The following GP2 variants were observed in gnomAD, a reference collection of about 807,000 sequenced individuals.
The protein encoded by GP2 is glycoprotein 2.
A neutral mutation model predicts 60.8 loss-of-function variants in GP2; 58 were observed. The ratio of observed to expected loss-of-function variants is 0.95; its 90% CI spans 0.77 to 1.19. The LOEUF (loss-of-function observed/expected upper bound fraction) is 1.19. GP2 is among the 50% of genes most tolerant of loss of function. The pLI is 0.00. For missense variants in GP2, 647 were observed against 667.4 expected, an observed-to-expected ratio of 0.97 and a Z score of 0.34; for synonymous variants, 280 against 253.4, an observed-to-expected ratio of 1.10 and a Z score of -1.00.
chr16:20,323,272 C>A, intron 3 of GP2: 1 of 686,440 alleles, frequency 1.5e-6, no homozygotes. Flanking sequence ...GATGCTGGAG[C>A]TAGAATGCCA....
chr16:20,314,577 C>G, intron 10 of GP2, 80 bp downstream of exon 10: 1 of 955,346 alleles, frequency 1.0e-6, no homozygotes, highest in Non-Finnish European at 1.7e-6. Context: ...AGCATAGGGT[C>G]TGGGCCATAA....
intron 1 of GP2, 42 bp downstream of exon 1, chr16:20,327,425 A>G (rs776081868): frequency 8.1e-7 from 1 of 1,238,340 alleles, no homozygotes. Flanking sequence ...AAGATTTCCC[A>G]GGATTAGGAG....
At chr16:20,314,801 G>A (rs753065152) in intron 9 of GP2, 100 bp from the exon 10 acceptor site, 62 of 825,782 alleles carry the variant, frequency 7.5e-5, no homozygotes, top group Non-Finnish European at 1.1e-4. Flanking sequence ...CCTGGCCATC[G>A]CAACCACCAG....
At chr16:20,326,488 A>G in intron 1 of GP2, 21 bp from the exon 2 acceptor site, 1 of 1,599,934 alleles carries the variant, frequency 6.3e-7, no homozygotes, top group Non-Finnish European at 8.5e-7. Flanking sequence ...GAAAAGACCA[A>G]GATAAGATTA....
chr16:20,327,348 G>T, intron 1 of GP2, 119 bp downstream of exon 1: 1 of 569,072 alleles, frequency 1.8e-6, no homozygotes, highest in Non-Finnish European at 2.7e-6. Context: ...CAATGGCCAG[G>T]GTCCAAACTA....
In GP2 at chr16:20,310,902, G is replaced by A. The variant is rs902176048; in HGVS notation, c.*321C>T. The A allele has an allele frequency of 8.2e-5, 17 of 207,406 alleles. No individual in the cohort carries two copies. Among genetic ancestry groups the A allele is most frequent in the African/African-American group, 3.5e-4 (15 of 42,320 alleles). The allele number at this position is 207,406 out of a possible 1,614,324, so 12.8% of individuals were successfully genotyped here. On this transcript the variant is annotated 3_prime_UTR_variant, in exon 11 of 11. Coordinates refer to ENST00000302555, the MANE Select transcript of GP2 (RefSeq NM_001502.4). Reference sequence around the variant, plus strand: ...CTCCCGAGTAGCTGGGATTACAGGCGCCTGCCACCATGCCTGGCTAATTTT... The same window carrying A: ...CTCCCGAGTAGCTGGGATTACAGGCACCTGCCACCATGCCTGGCTAATTTT...
At position 20,320,493 on chromosome 16, in the gene GP2, G is replaced by A; in HGVS notation, c.647-20C>T. 6.4e-7 allele frequency: 1 copy of A among 1,558,036 alleles called. No homozygotes were observed. The highest frequency in any genetic ancestry group is 8.8e-7 in the Non-Finnish European group (1 of 1,130,632). ...GGACATCTGCAAAGCAGAGATGAAG[G>A]CAAGTAGAATGGACATGAGTCTGGA... On this transcript the variant is annotated intron_variant, in intron 4 of 10. Coordinates refer to ENST00000302555, the MANE Select transcript of GP2 (RefSeq NM_001502.4).
rs1400164078 is a variant in GP2, at chr16:20,319,770, T to A, written c.859-2A>T. 1 of 1,611,494 alleles carries A rather than the reference T, an allele frequency of 6.2e-7. No homozygotes were observed. Among genetic ancestry groups the A allele is most frequent in the Non-Finnish European group, 8.5e-7 (1 of 1,178,018 alleles). On this transcript the variant is annotated splice_acceptor_variant, in intron 5 of 10. Transcript: ENST00000302555. LOFTEE classifies it high-confidence loss of function. ...GTAGATGGCATGGGTTTGATTTCTC[T>A]TTGGCAAAAAAACAAAACCATACAG...
At chr16:20,323,791 C>T (rs771711083) in intron 3 of GP2, 25 bp downstream of exon 3, 4 of 1,516,182 alleles carry the variant, frequency 2.6e-6, no homozygotes, top group Non-Finnish European at 3.6e-6. Context: ...TGTGTAGCTG[C>T]CTCCTCCAGG....
Position 20,310,672 on chromosome 16 carries a change from C to A in GP2, c.*551G>T, listed in dbSNP as rs1292749069. ...GGCTGGAGCCACAGAGGGCACCTAG[C>A]AAGCTTGCTTTCAAGGTCCCATCAA... On this transcript the variant is annotated 3_prime_UTR_variant, in exon 11 of 11. Coordinates refer to ENST00000302555, the MANE Select transcript of GP2 (RefSeq NM_001502.4). 1 of 152,452 alleles carries A rather than the reference C, an allele frequency of 6.6e-6. No homozygotes were observed. The highest frequency in any genetic ancestry group is 1.9e-4 in the East Asian group (1 of 5,190). The allele number at this position is 152,452 out of a possible 1,614,324, so 9.4% of individuals were successfully genotyped here.
At chr16:20,322,135 C>T (rs1964381202) in intron 4 of GP2, among the ~76,000 whole-genome samples, 1 of 152,236 alleles carries the variant, frequency 6.6e-6, no homozygotes. Context: ...GTGTCATGCT[C>T]CTTCTTGTCC....
At chr16:20,320,565 T>C in intron 4 of GP2, 92 bp from the exon 5 acceptor site, 1 of 825,340 alleles carries the variant, frequency 1.2e-6, no homozygotes, top group Non-Finnish European at 2.0e-6. Flanking sequence ...ACCCAGAAGA[T>C]TATGTAGACT....
At chr16:20,319,590 T>C in intron 6 of GP2, 30 bp downstream of exon 6, 1 of 1,565,286 alleles carries the variant, frequency 6.4e-7, no homozygotes, top group East Asian at 2.2e-5. Flanking sequence ...GCCAGGGTTA[T>C]GGGTCAAAGG....
At chr16:20,327,106 GT>G (rs1207737589) in intron 1 of GP2, among the ~76,000 whole-genome samples, 1 of 152,218 alleles carries the variant, frequency 6.6e-6, no homozygotes. Flanking sequence ...GAAGACTTCA[GT>G]GGAAAATAGA....
chr16:20,317,574 T>A (rs368064240), intron 7 of GP2, among the ~76,000 whole-genome samples, 199 bp from the exon 8 acceptor site: 2 of 152,228 alleles, frequency 1.3e-5, no homozygotes, highest in Admixed American at 6.5e-5. Context: ...GGTTTTATAC[T>A]GTAGCCTGAC....
intron 3 of GP2, among the ~76,000 whole-genome samples, chr16:20,323,180 G>A (rs1215785007): frequency 6.6e-6 from 1 of 152,166 alleles, no homozygotes; most frequent in Admixed American, 6.5e-5. Context: ...CTTACTACAG[G>A]CAAGACTCTA....
chr16:20,313,567 A>C (rs1179071365), intron 10 of GP2, among the ~76,000 whole-genome samples: 1 of 152,212 alleles, frequency 6.6e-6, no homozygotes, highest in African/African-American at 2.4e-5. Context: ...ATTGGCTTCA[A>C]CATCACTTAC....
chr16:20,320,613 G>C (rs1002517113), intron 4 of GP2, 140 bp from the exon 5 acceptor site: 4 of 663,882 alleles, frequency 6.0e-6, no homozygotes, highest in Non-Finnish European at 1.0e-5. Context: ...TCATGCCTAG[G>C]CTGGCAGTAG....
At chr16:20,315,850 G>T in intron 9 of GP2, 106 bp downstream of exon 9, 1 of 749,682 alleles carries the variant, frequency 1.3e-6, no homozygotes, top group Non-Finnish European at 2.5e-6. Flanking sequence ...GGGTCAGACT[G>T]AGGTGGTACA....
Sources: allele counts gnomAD v4.1 joint callset (sites outside exome capture counted in the v4.1 genomes callset), GRCh38; gene constraint gnomAD v4.1.1; transcripts MANE v1.5; gene names NCBI Gene and HGNC (gene_info 2026-07-23, HGNC 2026-07-21).